APAF1: variants seen among roughly 807,000 people sequenced by gnomAD.
APAF1 encodes the protein apoptotic peptidase activating factor 1.
In APAF1, 91 loss-of-function variants were observed where a neutral mutation model predicts 152.4. The observed-to-expected ratio is 0.60, with a 90% CI of 0.50 to 0.71. The LOEUF (loss-of-function observed/expected upper bound fraction) is 0.71. Ranked by LOEUF, APAF1 falls within the 30% of genes least tolerant of loss-of-function variation. APAF1 has a pLI of 0.00. For missense variants in APAF1, 1,283 were observed against 1,472.0 expected (o/e 0.87, Z 2.10); for synonymous variants, 484 against 494.1 (o/e 0.98, Z 0.27).
At chr12:98,660,322 G>A (rs2097663449) in intron 5 of APAF1, among the ~76,000 whole-genome samples, 1 of 151,844 alleles carries the variant, frequency 6.6e-6, no homozygotes, top group African/African-American at 2.4e-5. Flanking sequence ...TTCCAGCTTG[G>A]GTGGCAGAGG....
At chr12:98,649,016 G>A in intron 3 of APAF1, 2 of 715,496 alleles carry the variant, frequency 2.8e-6, no homozygotes, top group Non-Finnish European at 2.3e-6. Context: ...CCAGTGAACT[G>A]TACTGCTGAG....
At chr12:98,731,051 C>T (rs1156914468) in intron 26 of APAF1, among the ~76,000 whole-genome samples, 1 of 152,110 alleles carries the variant, frequency 6.6e-6, no homozygotes, top group Non-Finnish European at 1.5e-5. Context: ...GTGTAATGGT[C>T]AGGAGAGTGG....
chr12:98,662,930 G>A (rs541570656), intron 7 of APAF1, 124 bp downstream of exon 7: 1 of 766,642 alleles, frequency 1.3e-6, no homozygotes, highest in African/African-American at 1.8e-5. Context: ...GGGAGATTTA[G>A]TATTTTAGGT....
chr12:98,680,240 G>GT, intron 13 of APAF1, 37 bp from the exon 14 acceptor site: 1 of 1,540,770 alleles, frequency 6.5e-7, no homozygotes, highest in Non-Finnish European at 8.8e-7. Context: ...TAGTTAAGCA[G>GT]TTTATTATAA....
intron 15 of APAF1, among the ~76,000 whole-genome samples, chr12:98,685,239 T>A (rs1011259365): frequency 1.3e-5 from 2 of 152,186 alleles, no homozygotes; most frequent in African/African-American, 4.8e-5. Flanking sequence ...TTTCCAAACC[T>A]ACCCAAAGAG....
intron 16 of APAF1, among the ~76,000 whole-genome samples, chr12:98,698,665 G>C (rs2097712148): frequency 6.6e-6 from 1 of 152,198 alleles, no homozygotes; most frequent in Non-Finnish European, 1.5e-5. Context: ...CTGAGCAGCA[G>C]CTTTCTCCCC....
intron 12 of APAF1, 82 bp from the exon 13 acceptor site, chr12:98,677,343 A>G (rs1331519007): frequency 1.1e-5 from 15 of 1,422,148 alleles, no homozygotes; most frequent in Non-Finnish European, 1.5e-5. Flanking sequence ...ATGTTAAAAG[A>G]CAGTTTATTT....
chr12:98,657,270 C>T (rs1017902352), intron 4 of APAF1, among the ~76,000 whole-genome samples: 2 of 152,174 alleles, frequency 1.3e-5, no homozygotes, highest in African/African-American at 4.8e-5. Flanking sequence ...ACTATCAGTC[C>T]TCTCCTAGAC....
chr12:98,680,827 T>C (rs1319928201), intron 14 of APAF1, among the ~76,000 whole-genome samples: 1 of 152,240 alleles, frequency 6.6e-6, no homozygotes, highest in Non-Finnish European at 1.5e-5. Flanking sequence ...CTTCCATTAA[T>C]AGACAAGTCC....
At chr12:98,688,470 C>CTTTTTTT (rs66619012) in intron 16 of APAF1, among the ~76,000 whole-genome samples, 1 of 97,320 alleles carries the variant, frequency 1.0e-5, no homozygotes. Flanking sequence ...TGTTTTCTTT[C>CTTTTTTT]TTTTTTTTTT....
chr12:98,649,214 G>A (rs911498477), intron 3 of APAF1: 3 of 984,084 alleles, frequency 3.0e-6, no homozygotes, highest in African/African-American at 1.7e-5. Flanking sequence ...CAATATGAGA[G>A]GGAATGAAAA....
intron 7 of APAF1, among the ~76,000 whole-genome samples, chr12:98,664,037 T>C (rs570870557): frequency 1.3e-5 from 2 of 152,038 alleles, no homozygotes; most frequent in Admixed American, 1.3e-4. Flanking sequence ...TATTTATTTT[T>C]TGAGACGAGT....
chr12:98,701,767 G>C (rs2097715606), intron 17 of APAF1, among the ~76,000 whole-genome samples: 1 of 152,184 alleles, frequency 6.6e-6, no homozygotes, highest in Non-Finnish European at 1.5e-5. Context: ...ACTGCATGTA[G>C]ATCCCGATTT....
intron 14 of APAF1, among the ~76,000 whole-genome samples, chr12:98,682,038 T>A (rs1477805544): frequency 6.6e-6 from 1 of 151,506 alleles, no homozygotes; most frequent in African/African-American, 2.4e-5. Flanking sequence ...ACTAGAATGA[T>A]GATTAATTTT....
intron 17 of APAF1, among the ~76,000 whole-genome samples, chr12:98,700,567 C>G (rs1415182790): frequency 6.6e-6 from 1 of 152,064 alleles, no homozygotes; most frequent in African/African-American, 2.4e-5. Flanking sequence ...GAAAAGAAAC[C>G]ACTGCATAAG....
chr12:98,664,540 C>T (rs1014496318), intron 7 of APAF1, among the ~76,000 whole-genome samples: 1 of 151,010 alleles, frequency 6.6e-6, no homozygotes, highest in Non-Finnish European at 1.5e-5. Context: ...TGGATTTTGC[C>T]CTTTTTTTTT....
At chr12:98,721,158 T>C (rs2097742143) in intron 22 of APAF1, among the ~76,000 whole-genome samples, 2 of 152,230 alleles carry the variant, frequency 1.3e-5, no homozygotes, top group African/African-American at 4.8e-5. Flanking sequence ...ATTAGCACAG[T>C]GTGTTTCCGT....
Position 98,699,557 on chromosome 12 carries a change from AAAT to A in APAF1, c.2457_2459del (p.Asn819del). On this transcript the variant is annotated inframe_deletion, in exon 17 of 27. Transcript: ENST00000551964. ...GTGCAAGGATAATGGTGGCAGCAAA[AAAT>A]AAAATCTTTGTAAGTACTTTAAAAA... 1 of 1,614,168 alleles carries A rather than the reference AAAT, an allele frequency of 6.2e-7. No homozygotes were observed. Among genetic ancestry groups the A allele is most frequent in the Non-Finnish European group, 8.5e-7 (1 of 1,180,026 alleles).
chr12:98,671,191 G>A, intron 11 of APAF1, 105 bp downstream of exon 11: 3 of 772,488 alleles, frequency 3.9e-6, no homozygotes, highest in South Asian at 3.3e-5. Flanking sequence ...AAGGGGTGAA[G>A]ATAATTTCCC....
Sources: allele counts gnomAD v4.1 joint callset (sites outside exome capture counted in the v4.1 genomes callset), GRCh38; gene constraint gnomAD v4.1.1; transcripts MANE v1.5; gene names NCBI Gene and HGNC (gene_info 2026-07-23, HGNC 2026-07-21).